GRID2: variants seen among roughly 807,000 people sequenced by gnomAD.
GRID2 encodes the protein glutamate ionotropic receptor delta type subunit 2.
In GRID2, 33 loss-of-function variants were observed where a neutral mutation model predicts 114.8. The observed-to-expected ratio is 0.29, with a 90% CI of 0.22 to 0.38. The LOEUF is 0.38. Among genes scored for constraint, GRID2 ranks in the 10% least tolerant of loss-of-function variants. The probability of loss-of-function intolerance (pLI) is 1.00; values close to 1 mark genes in which losing one functional copy is unlikely to be tolerated. For missense variants in GRID2, 1,184 were observed against 1,257.7 expected, an observed-to-expected ratio of 0.94 and a Z score of 0.89; for synonymous variants, 505 against 449.9, an observed-to-expected ratio of 1.12 and a Z score of -1.55.
intron 2 of GRID2, among the ~76,000 whole-genome samples, chr4:92,950,143 T>G (rs1405746522): frequency 6.6e-6 from 1 of 152,172 alleles, no homozygotes; most frequent in African/African-American, 2.4e-5. Context: ...ATCATTTACT[T>G]TGACAGAGTT....
intron 2 of GRID2, among the ~76,000 whole-genome samples, chr4:92,655,526 T>C (rs779913500): frequency 5.9e-5 from 9 of 152,002 alleles, no homozygotes; most frequent in Non-Finnish European, 1.2e-4. Flanking sequence ...GTCTTTCCAT[T>C]TCTATGTGTC....
intron 3 of GRID2, among the ~76,000 whole-genome samples, chr4:93,089,326 C>T (rs970813954): frequency 6.6e-6 from 1 of 152,096 alleles, no homozygotes; most frequent in African/African-American, 2.4e-5. Context: ...AGGGAAAATA[C>T]TATATGTCAA....
Position 92,349,615 on chromosome 4 carries a change from T to C in GRID2, c.88+44871T>C, listed in dbSNP as rs1323577572. Among the ~76,000 whole-genome samples the C allele has an allele frequency of 2.0e-5, 3 of 151,630 alleles. No individual in the cohort carries two copies. The East Asian group carries it at 5.8e-4, about 29-fold the overall frequency. On this transcript the variant is annotated intron_variant, in intron 1 of 15. Coordinates refer to ENST00000282020, the MANE Select transcript of GRID2 (RefSeq NM_001510.4). ...ATAATAAGCAACTCAAATAAATATA[T>C]GAAGAATACATTTTAGCGCATTATT...
intron 14 of GRID2, among the ~76,000 whole-genome samples, chr4:93,702,812 T>G (rs186131977): frequency 1.8e-4 from 27 of 152,272 alleles, no homozygotes; most frequent in African/African-American, 5.3e-4. Flanking sequence ...TATAAAACTC[T>G]CTGTCTAAAT....
At chr4:92,517,080 G>T (rs1015908837) in intron 1 of GRID2, among the ~76,000 whole-genome samples, 11 of 142,862 alleles carry the variant, frequency 7.7e-5, no homozygotes, top group African/African-American at 2.7e-4. Context: ...TTATAGTATT[G>T]CTCTTTGCTT....
chr4:92,495,623 G>A (rs1219600564), intron 1 of GRID2, among the ~76,000 whole-genome samples: 1 of 151,906 alleles, frequency 6.6e-6, no homozygotes, highest in Non-Finnish European at 1.5e-5. Flanking sequence ...CATCATGGAG[G>A]CTGAATGAAT....
intron 2 of GRID2, among the ~76,000 whole-genome samples, chr4:92,683,165 G>A (rs1309677022): frequency 3.9e-5 from 6 of 152,026 alleles, no homozygotes; most frequent in Non-Finnish European, 8.8e-5. Context: ...TGGGCGTGGT[G>A]GCGGGCGCCT....
intron 2 of GRID2, among the ~76,000 whole-genome samples, chr4:92,633,069 C>T (rs968724593): frequency 6.6e-6 from 1 of 152,148 alleles, no homozygotes; most frequent in South Asian, 2.1e-4. Context: ...AGTGAACATG[C>T]AGCACCCAAG....
At chr4:93,434,657 C>T (rs952811053) in intron 10 of GRID2, among the ~76,000 whole-genome samples, 1 of 152,072 alleles carries the variant, frequency 6.6e-6, no homozygotes, top group Admixed American at 6.6e-5. Context: ...CCGTAGAGGT[C>T]CAATTACTCT....
chr4:92,590,287 G>A lies in GRID2; in HGVS notation c.244+1G>A. 6.2e-7 allele frequency: 1 copy of A among 1,607,160 alleles called. No homozygotes were observed. The highest frequency in any genetic ancestry group is 8.5e-7 in the Non-Finnish European group (1 of 1,176,328). On this transcript the variant is annotated splice_donor_variant, in intron 2 of 15. Coordinates refer to ENST00000282020, the MANE Select transcript of GRID2 (RefSeq NM_001510.4). LOFTEE classifies it high-confidence loss of function. ...AACCCTTTCCAAGCAGTTCAAGAAG[G>A]TAAGGTCATCAGTATTTATTTTGGT...
intron 8 of GRID2, among the ~76,000 whole-genome samples, chr4:93,295,168 G>A (rs1560468102): frequency 6.6e-6 from 1 of 152,092 alleles, no homozygotes; most frequent in African/African-American, 2.4e-5. Context: ...TTAGGGAAGG[G>A]ATCCAGGCTG....
At chr4:92,637,324 T>C (rs1409955026) in intron 2 of GRID2, among the ~76,000 whole-genome samples, 1 of 152,008 alleles carries the variant, frequency 6.6e-6, no homozygotes, top group Non-Finnish European at 1.5e-5. Flanking sequence ...ATTAAAGGAA[T>C]GATGGGAAGA....
intron 4 of GRID2, among the ~76,000 whole-genome samples, chr4:93,205,388 A>G (rs560855833): frequency 6.6e-6 from 1 of 152,178 alleles, no homozygotes; most frequent in South Asian, 2.1e-4. Flanking sequence ...ATTCCCACCT[A>G]TGAGTAAGAA....
chr4:93,653,074 T>C (rs1465738030), intron 14 of GRID2, among the ~76,000 whole-genome samples: 1 of 152,170 alleles, frequency 6.6e-6, no homozygotes, highest in African/African-American at 2.4e-5. Flanking sequence ...TGATTATTAG[T>C]TGTCTGAGAG....
At chr4:93,092,795 T>C (rs1730896324) in intron 3 of GRID2, among the ~76,000 whole-genome samples, 1 of 151,962 alleles carries the variant, frequency 6.6e-6, no homozygotes, top group Non-Finnish European at 1.5e-5. Context: ...ACCACTAAGC[T>C]GTTGACAACA....
At chr4:92,731,187 C>A (rs1393459026) in intron 2 of GRID2, among the ~76,000 whole-genome samples, 1 of 151,554 alleles carries the variant, frequency 6.6e-6, no homozygotes, top group African/African-American at 2.4e-5. Context: ...AATTTAGAGA[C>A]TAAATAATGT....
At chr4:93,200,514 C>T (rs924956206) in intron 4 of GRID2, among the ~76,000 whole-genome samples, 6 of 151,560 alleles carry the variant, frequency 4.0e-5, no homozygotes, top group Admixed American at 6.6e-5. Flanking sequence ...TGCAGTGAGC[C>T]GAGATCGCGC....
chr4:92,597,667 T>C (rs1579652437), intron 2 of GRID2, among the ~76,000 whole-genome samples: 1 of 152,176 alleles, frequency 6.6e-6, no homozygotes, highest in East Asian at 1.9e-4. Context: ...AGCACATCAC[T>C]TTCTTGTATT....
intron 8 of GRID2, among the ~76,000 whole-genome samples, chr4:93,374,968 C>A (rs920095606): frequency 6.6e-6 from 1 of 152,030 alleles, no homozygotes; most frequent in Non-Finnish European, 1.5e-5. Flanking sequence ...CTCTATTATT[C>A]TTAACTCTGC....
Sources: allele counts gnomAD v4.1 joint callset (sites outside exome capture counted in the v4.1 genomes callset), GRCh38; gene constraint gnomAD v4.1.1; transcripts MANE v1.5; gene names NCBI Gene and HGNC (gene_info 2026-07-23, HGNC 2026-07-21).